Variants in TLK1 observed in about 807,000 individuals in gnomAD.
TLK1 encodes the protein serine/threonine-protein kinase tousled-like 1.
Under a neutral mutation model 105.3 loss-of-function variants are expected in TLK1, and 24 were observed. The observed-to-expected ratio is 0.23, with a 90% CI of 0.17 to 0.32. The LOEUF is 0.32. Among genes scored for constraint, TLK1 ranks in the 10% least tolerant of loss-of-function variants. TLK1 has a pLI of 1.00. For synonymous variants in TLK1, 321 were observed against 310.4 expected, an observed-to-expected ratio of 1.03 and a Z score of -0.36; for missense variants, 558 against 910.5, an observed-to-expected ratio of 0.61 and a Z score of 4.98.
At chr2:171,212,397 G>A (rs1244899902) in intron 1 of TLK1, among the ~76,000 whole-genome samples, 1 of 151,164 alleles carries the variant, frequency 6.6e-6, no homozygotes, top group East Asian at 1.9e-4. Flanking sequence ...TTCAGTTGAT[G>A]TTATCTTTAT....
intron 1 of TLK1, among the ~76,000 whole-genome samples, chr2:171,199,263 C>G (rs565481248): frequency 2.4e-4 from 36 of 152,306 alleles, no homozygotes; most frequent in African/African-American, 8.2e-4. Context: ...ATAATCCCAG[C>G]ACTTTGCAAG....
chr2:170,996,787 T>C (rs765979797), intron 19 of TLK1, 27 bp from the exon 20 acceptor site: 1 of 1,546,580 alleles, frequency 6.5e-7, no homozygotes, highest in East Asian at 2.3e-5. Context: ...AATGTTGAGA[T>C]ACTTTTCTCA....
chr2:170,994,806 G>T (rs957913738), intron 20 of TLK1: 2 of 427,512 alleles, frequency 4.7e-6, no homozygotes, highest in African/African-American at 2.0e-5. Flanking sequence ...GTTCTCCTTT[G>T]CCAGGCCTCT....
chr2:171,165,625 C>T (rs958150916), upstream of TLK1, among the ~76,000 whole-genome samples: 2 of 152,122 alleles, frequency 1.3e-5, no homozygotes, highest in African/African-American at 4.8e-5. Flanking sequence ...AAGAAATTAG[C>T]CCAGAGGCTG....
chr2:171,209,927 C>T (rs1024599979), intron 1 of TLK1, among the ~76,000 whole-genome samples: 1 of 152,276 alleles, frequency 6.6e-6, no homozygotes, highest in East Asian at 1.9e-4. Flanking sequence ...TACCGCAGCC[C>T]TAGCAAACTA....
At chr2:171,085,927 T>C (rs1007132109) in intron 2 of TLK1, among the ~76,000 whole-genome samples, 1 of 152,220 alleles carries the variant, frequency 6.6e-6, no homozygotes, top group Non-Finnish European at 1.5e-5. Context: ...CACAAAATAA[T>C]TGTTTTCAGT....
chr2:171,052,830 G>T (rs967248666), intron 8 of TLK1, among the ~76,000 whole-genome samples: 3 of 152,132 alleles, frequency 2.0e-5, no homozygotes, highest in African/African-American at 7.2e-5. Context: ...AATACAGTAG[G>T]ATCACAGGTG....
At position 170,994,088 on chromosome 2, in the gene TLK1, A is replaced by G. The variant is rs1185140085; in HGVS notation, c.2125-132T>C. 8 of 763,436 alleles carry G rather than the reference A, an allele frequency of 1.0e-5. No individual in the cohort carries two copies. The Admixed American group carries it at 1.3e-4, about 13-fold the overall frequency. The allele number at this position is 763,436 out of a possible 1,614,324, so 47.3% of individuals were successfully genotyped here. A position where few individuals can be genotyped will look rare whatever the true frequency, so the allele number is the denominator to read the frequency against. On this transcript the variant is annotated intron_variant, in intron 20 of 20. Coordinates refer to ENST00000431350, the MANE Select transcript of TLK1 (RefSeq NM_012290.5). The stretch of plus-strand genomic sequence containing the variant: ...TCATTTTATTGGAAGTTCAAACCTT[A>G]AAAAAAAAATTCTGTAGCTAGAAAA...
chr2:171,203,414 T>C (rs1023867978), intron 1 of TLK1, among the ~76,000 whole-genome samples: 1 of 152,202 alleles, frequency 6.6e-6, no homozygotes, highest in African/African-American at 2.4e-5. Context: ...TTGACTACTC[T>C]AGGCACTCTA....
intron 1 of TLK1, among the ~76,000 whole-genome samples, chr2:171,176,558 C>T (rs936951579): frequency 1.3e-5 from 2 of 152,180 alleles, no homozygotes; most frequent in African/African-American, 2.4e-5. Context: ...CCACACTTCC[C>T]ACATCCACAT....
At chr2:171,159,469 G>C (rs1692365134) in intron 1 of TLK1, 1 of 152,240 alleles carries the variant, frequency 6.6e-6, no homozygotes, top group South Asian at 2.1e-4. Context: ...CCACTTGCTT[G>C]CAAGAAGCCA....
intron 1 of TLK1, among the ~76,000 whole-genome samples, chr2:171,219,570 A>G (rs1405308956): frequency 6.6e-6 from 1 of 150,764 alleles, no homozygotes; most frequent in Non-Finnish European, 1.5e-5. Context: ...TGGCAGAAAG[A>G]GTCAAGAGAG....
intron 5 of TLK1, 36 bp downstream of exon 5, chr2:171,058,115 G>C (rs1687587058): frequency 1.2e-6 from 2 of 1,608,362 alleles, no homozygotes; most frequent in South Asian, 2.2e-5. Flanking sequence ...GAATAGTACT[G>C]AATTAGGAAA....
At position 170,991,772 on chromosome 2, in the gene TLK1, TTAAA is replaced by T. The variant is rs1442443482; in HGVS notation, c.*2004_*2007del. 6.6e-6 allele frequency: 1 copy of T among 152,220 alleles called. No homozygotes were observed. Among genetic ancestry groups the T allele is most frequent in the Non-Finnish European group, 1.5e-5 (1 of 68,024 alleles). The allele number at this position is 152,220 out of a possible 1,614,324, so 9.4% of individuals were successfully genotyped here. Reference sequence around the variant, plus strand: ...AGGCATTTCCTTTTAGTTCAGGAATTTAAATGTTACTTTATGAACATAGGACTTT... The same window carrying T: ...AGGCATTTCCTTTTAGTTCAGGAATTTGTTACTTTATGAACATAGGACTTT... On this transcript the variant is annotated 3_prime_UTR_variant, in exon 21 of 21. Coordinates refer to ENST00000431350, the MANE Select transcript of TLK1 (RefSeq NM_012290.5).
chr2:170,998,046 TTATCTATCTATCTATC>T (rs869267964), intron 18 of TLK1, among the ~76,000 whole-genome samples: 35 of 147,654 alleles, frequency 2.4e-4, no homozygotes, highest in Middle Eastern at 3.4e-3. Context: ...CTATCTATCT[TTATCTATCTATCTATC>T]TATCTATCTA....
chr2:171,230,898 C>G (rs1257465999), intron 1 of TLK1, among the ~76,000 whole-genome samples: 1 of 152,140 alleles, frequency 6.6e-6, no homozygotes, highest in Admixed American at 6.6e-5. Flanking sequence ...TTTCCACTAT[C>G]AAGTGTACCC....
intron 2 of TLK1, among the ~76,000 whole-genome samples, chr2:171,087,620 A>C (rs981716954): frequency 2.6e-5 from 4 of 152,340 alleles, no homozygotes; most frequent in Non-Finnish European, 1.5e-5. Context: ...AAGTTCACTC[A>C]ATCTCCCAAG....
intron 2 of TLK1, among the ~76,000 whole-genome samples, chr2:171,108,994 TAC>T (rs1187804344): frequency 6.6e-6 from 1 of 152,114 alleles, no homozygotes; most frequent in African/African-American, 2.4e-5. Context: ...GTAAGTAGTA[TAC>T]AGTCACAAAA....
At chr2:171,008,043 T>C (rs941674007) in intron 14 of TLK1, among the ~76,000 whole-genome samples, 3 of 152,150 alleles carry the variant, frequency 2.0e-5, no homozygotes, top group African/African-American at 7.2e-5. Context: ...AAAGCTTACG[T>C]ATTTATTAGA....
Sources: gnomAD v4.1 joint callset for allele counts (sites outside exome capture counted in the v4.1 genomes callset) on GRCh38, gnomAD v4.1.1 for gene constraint, MANE v1.5 for transcripts, NCBI Gene and HGNC (gene_info 2026-07-23, HGNC 2026-07-21) for gene names.